RBFOX1: variants seen among roughly 807,000 people sequenced by gnomAD.
RBFOX1 encodes the protein RNA binding fox-1 homolog 1, also known as RNA binding protein fox-1 homolog 1.
A neutral mutation model predicts 57.7 loss-of-function variants in RBFOX1; 8 were observed. The observed-to-expected ratio is 0.14, with a 90% CI of 0.08 to 0.25. The LOEUF (loss-of-function observed/expected upper bound fraction) is 0.25. Ranked by LOEUF, RBFOX1 falls within the 10% of genes least tolerant of loss-of-function variation. RBFOX1 has a pLI of 1.00. For missense variants in RBFOX1, 611 were observed against 548.5 expected (o/e 1.11, Z -1.14); for synonymous variants, 326 against 222.4 (o/e 1.47, Z -4.15).
At chr16:6,818,822 G>A (rs567507068) in intron 3 of RBFOX1, among the ~76,000 whole-genome samples, 11 of 152,266 alleles carry the variant, frequency 7.2e-5, no homozygotes, top group Admixed American at 5.2e-4. Flanking sequence ...TGACTGGTCC[G>A]TGCCTGGGCA....
At chr16:7,162,288 T>C (rs969767416) in intron 4 of RBFOX1, among the ~76,000 whole-genome samples, 1 of 152,194 alleles carries the variant, frequency 6.6e-6, no homozygotes, top group African/African-American at 2.4e-5. Context: ...TATGTATATA[T>C]ATGTATACAC....
At chr16:6,867,969 AT>A (rs2060226389) in intron 3 of RBFOX1, among the ~76,000 whole-genome samples, 1 of 152,148 alleles carries the variant, frequency 6.6e-6, no homozygotes, top group Non-Finnish European at 1.5e-5. Flanking sequence ...TGGCAGTTGA[AT>A]TTTGATTTCT....
chr16:7,478,898 T>A (rs192612155), intron 4 of RBFOX1, among the ~76,000 whole-genome samples: 1 of 152,142 alleles, frequency 6.6e-6, no homozygotes, highest in Non-Finnish European at 1.5e-5. Flanking sequence ...GGGGCTAGTT[T>A]GTTAATTCGA....
intron 2 of RBFOX1, among the ~76,000 whole-genome samples, chr16:6,518,102 C>T (rs182630498): frequency 6.6e-6 from 1 of 152,304 alleles, no homozygotes; most frequent in Admixed American, 6.5e-5. Flanking sequence ...CTAAATGTCA[C>T]CATTCCTGCA....
At chr16:6,148,326 C>T (rs936587583) in intron 1 of RBFOX1, among the ~76,000 whole-genome samples, 2 of 152,302 alleles carry the variant, frequency 1.3e-5, no homozygotes, top group East Asian at 1.9e-4. Context: ...GACTCCGTCT[C>T]AAAATAAGCA....
chr16:6,115,125 C>T (rs9927421), intron 1 of RBFOX1, among the ~76,000 whole-genome samples: 2 of 151,924 alleles, frequency 1.3e-5, no homozygotes, highest in Non-Finnish European at 2.9e-5. Context: ...GCTAACGAGC[C>T]GTGAGGGTAT....
At chr16:6,567,072 A>G (rs1013530967) in intron 2 of RBFOX1, among the ~76,000 whole-genome samples, 1 of 152,204 alleles carries the variant, frequency 6.6e-6, no homozygotes. Context: ...TAACTGAGTT[A>G]GTTTCCCATG....
chr16:6,681,399 G>A (rs1018889681), intron 3 of RBFOX1, among the ~76,000 whole-genome samples: 1 of 152,172 alleles, frequency 6.6e-6, no homozygotes, highest in Non-Finnish European at 1.5e-5. Flanking sequence ...TATCTTGGTA[G>A]CAAATTTTTA....
intron 4 of RBFOX1, among the ~76,000 whole-genome samples, chr16:7,469,913 T>G (rs2061251953): frequency 6.6e-6 from 1 of 152,204 alleles, no homozygotes; most frequent in Admixed American, 6.5e-5. Flanking sequence ...GTACCTCATA[T>G]AAATGGAATC....
intron 2 of RBFOX1, among the ~76,000 whole-genome samples, chr16:6,464,648 C>A (rs556982030): frequency 1.3e-5 from 2 of 152,226 alleles, no homozygotes; most frequent in African/African-American, 2.4e-5. Flanking sequence ...CCTAACATCG[C>A]TGCTATAGTT....
chr16:5,751,062 C>G (rs1272140228), intron 3 of RBFOX1, among the ~76,000 whole-genome samples: 2 of 152,142 alleles, frequency 1.3e-5, no homozygotes, highest in South Asian at 2.1e-4. Context: ...GGGCTGGTCT[C>G]AAACTTCTGA....
intron 3 of RBFOX1, among the ~76,000 whole-genome samples, chr16:6,843,007 T>G (rs1179379353): frequency 6.6e-6 from 1 of 152,186 alleles, no homozygotes; most frequent in Admixed American, 6.5e-5. Flanking sequence ...GATCTCATTC[T>G]TTTTTATGGC....
chr16:5,927,133 A>G (rs1265611312), intron 4 of RBFOX1, among the ~76,000 whole-genome samples: 2 of 152,304 alleles, frequency 1.3e-5, no homozygotes, highest in South Asian at 2.1e-4. Context: ...ACTGACATTT[A>G]TTTTAATTGG....
chr16:7,122,063 A>G (rs2067311568), intron 4 of RBFOX1, among the ~76,000 whole-genome samples: 1 of 152,098 alleles, frequency 6.6e-6, no homozygotes, highest in South Asian at 2.1e-4. Flanking sequence ...AGAAGAACAC[A>G]TGGGTAAAAT....
intron 2 of RBFOX1, among the ~76,000 whole-genome samples, chr16:6,466,221 CTCTA>C (rs955223433): frequency 5.5e-5 from 8 of 146,218 alleles, no homozygotes; most frequent in African/African-American, 2.0e-4. Context: ...CAGATTAAAA[CTCTA>C]TCTCAAAAAA....
At chr16:6,034,744 T>A (rs145086862) in intron 1 of RBFOX1, among the ~76,000 whole-genome samples, 1 of 152,242 alleles carries the variant, frequency 6.6e-6, no homozygotes, top group Non-Finnish European at 1.5e-5. Flanking sequence ...ATCTGCCAAG[T>A]AGTTTGTTAA....
intron 1 of RBFOX1, among the ~76,000 whole-genome samples, chr16:6,232,625 G>T (rs2097472578): frequency 6.6e-6 from 1 of 152,174 alleles, no homozygotes; most frequent in African/African-American, 2.4e-5. Flanking sequence ...TCTATAGTGT[G>T]AGCTTTAGAA....
In RBFOX1 at chr16:6,180,177, A is replaced by G. The variant is rs914817376; in HGVS notation, c.-126-136818A>G. Among the ~76,000 whole-genome samples, 3 of 152,168 alleles carry G rather than the reference A, an allele frequency of 2.0e-5. No homozygotes were observed. In the South Asian group the frequency reaches 6.2e-4, roughly 32 times the overall value. On this transcript the variant is annotated intron_variant, in intron 1 of 15. Transcript: ENST00000550418. ...ATTTCTTCCTCTTCTATTCTTTTGG[A>G]AGGTATTTCGAGGTGTTAGTAATAA...
At chr16:6,844,396 C>G (rs916776551) in intron 3 of RBFOX1, among the ~76,000 whole-genome samples, 54 of 152,218 alleles carry the variant, frequency 3.5e-4, no homozygotes, top group African/African-American at 1.3e-3. Context: ...CTCCCATGTG[C>G]CCATGTGTTC....
Sources: gnomAD v4.1 joint callset for allele counts (sites outside exome capture counted in the v4.1 genomes callset) on GRCh38, gnomAD v4.1.1 for gene constraint, MANE v1.5 for transcripts, NCBI Gene and HGNC (gene_info 2026-07-23, HGNC 2026-07-21) for gene names.